The following CRYBG1 variants were observed in gnomAD, a reference collection of about 807,000 sequenced individuals.
CRYBG1 encodes beta/gamma crystallin domain-containing protein 1.
In CRYBG1, 139 loss-of-function variants were observed where a neutral mutation model predicts 189.2. The observed-to-expected ratio is 0.73, with a 90% confidence interval of 0.64 to 0.85. The LOEUF (loss-of-function observed/expected upper bound fraction) is 0.85, where lower values mean the gene tolerates loss of function less well. Ranked by LOEUF, CRYBG1 falls within the 40% of genes least tolerant of loss-of-function variation. CRYBG1 has a pLI of 0.00. For synonymous variants in CRYBG1, 1,023 were observed against 1,017.1 expected (o/e 1.01, Z -0.11); for missense variants, 2,611 against 2,675.8 (o/e 0.98, Z 0.53).
Position 106,570,958 on chromosome 6 carries a change from C to T in CRYBG1, c.*2392C>T, listed in dbSNP as rs1382401370. The T allele has an allele frequency of 6.6e-6, 1 of 152,146 alleles. No homozygotes were observed. Among genetic ancestry groups the T allele is most frequent in the Non-Finnish European group, 1.5e-5 (1 of 68,032 alleles). The allele number at this position is 152,146 out of a possible 1,614,324, so 9.4% of individuals were successfully genotyped here. ...ATGAGTATATTAGGAAGTAAAAACA[C>T]TTACCGTAAATGAATATTCGAAGTG... On this transcript the variant is annotated 3_prime_UTR_variant, in exon 22 of 22. Transcript: ENST00000633556.
intron 2 of CRYBG1, among the ~76,000 whole-genome samples, chr6:106,473,571 G>A (rs1224426953): frequency 1.3e-5 from 2 of 152,110 alleles, no homozygotes; most frequent in Non-Finnish European, 2.9e-5. Context: ...AAAAAGACAG[G>A]AGACAACAGG....
intron 4 of CRYBG1, among the ~76,000 whole-genome samples, chr6:106,521,802 T>A (rs917740178): frequency 1.6e-5 from 2 of 128,732 alleles, no homozygotes; most frequent in Non-Finnish European, 3.1e-5. Context: ...CACTGCAACC[T>A]CCACCTCCTG....
Position 106,519,818 on chromosome 6 carries a change from T to A in CRYBG1, c.2610T>A (p.Pro870=), listed in dbSNP as rs1459420975. ...CACAGTCCCCTGCTGAGTCATCTCC[T>A]GGGCCTTCTCTTTCACTGTCTGCAC... ...SDSQSPAESS[P]GPSLSLSAPA... Residue 870 remains proline (P), a synonymous_variant, in exon 4 of 22, where the codon CCT becomes CCA. Transcript: ENST00000633556. 1.2e-6 allele frequency: 2 copies of A among 1,614,248 alleles called. No homozygotes were observed. Among genetic ancestry groups the A allele is most frequent in the Admixed American group, 1.7e-5 (1 of 60,026 alleles).
chr6:106,561,305 A>G (rs1405296279), intron 19 of CRYBG1, 37 bp from the exon 20 acceptor site: 1 of 1,605,134 alleles, frequency 6.2e-7, no homozygotes, highest in East Asian at 2.2e-5. Flanking sequence ...CCAGCAGCAC[A>G]TCTGGTATAA....
Position 106,519,879 on chromosome 6 carries a change from C to T in CRYBG1, c.2671C>T (p.Gln891Ter), listed in dbSNP as rs944027859. Residue 891 changes from glutamine to a stop codon, truncating the protein, a stop_gained, in exon 4 of 22, where the codon CAA becomes TAA. Coordinates refer to ENST00000633556, the MANE Select transcript of CRYBG1 (RefSeq NM_001371242.2). LOFTEE classifies it high-confidence loss of function. ...PGDVPKDTCV[Q>*]SPISSFPCTD... ...GGATGTTCCCAAAGACACATGTGTT[C>T]AATCACCCATAAGCAGTTTCCCATG... 1.2e-6 allele frequency: 2 copies of T among 1,614,046 alleles called. No homozygotes were observed. Among genetic ancestry groups the T allele is most frequent in the African/African-American group, 1.3e-5 (1 of 74,926 alleles).
rs79834530 is a variant in CRYBG1 at position 106,494,736 on chromosome 6, A to G, written c.313-16694A>G. On this transcript the variant is annotated intron_variant, in intron 2 of 21. Transcript: ENST00000633556. The stretch of plus-strand genomic sequence containing the variant: ...AGGTGTCCATTATTTAAGTATTATG[A>G]GGTGAGCATAATTTTTGCCTTTTCA... 7.1e-3 allele frequency among the ~76,000 whole-genome samples: 1,087 copies of G among 152,348 alleles called. 17 individuals carry two copies. Among genetic ancestry groups the G allele is most frequent in the African/African-American group, 0.025 (1,034 of 41,588 alleles).
intron 2 of CRYBG1, among the ~76,000 whole-genome samples, chr6:106,486,568 T>C (rs117133097): frequency 6.6e-6 from 1 of 152,298 alleles, no homozygotes; most frequent in East Asian, 1.9e-4. Flanking sequence ...CAATCTCTCC[T>C]TTAGAGCTAA....
chr6:106,426,284 C>A (rs558267060), intron 1 of CRYBG1, among the ~76,000 whole-genome samples: 7 of 152,268 alleles, frequency 4.6e-5, no homozygotes, highest in African/African-American at 1.4e-4. Flanking sequence ...CTTCCCAAGT[C>A]ATTATTCTTC....
At position 106,511,706 on chromosome 6, in the gene CRYBG1, C is replaced by G. The variant is rs1448587616; in HGVS notation, c.589C>G (p.Leu197Val). 2 of 1,535,480 alleles carry G rather than the reference C, an allele frequency of 1.3e-6. No homozygotes were observed. Among genetic ancestry groups the G allele is most frequent in the Non-Finnish European group, 1.7e-6 (2 of 1,146,668 alleles). The part of the protein sequence containing the change: ...RENPREAEGE[L>V]PESGGPAAPP... ...GAATCCCCGAGAGGCAGAGGGCGAG[C>G]TCCCCGAGAGCGGTGGCCCCGCAGC... is the stretch of plus-strand genomic sequence containing the variant. The change falls in exon 3 of 22, where the codon CTC becomes GTC. Residue 197 changes from leucine (L) to valine (V), a missense_variant. Physicochemically the swap from Leu to Val is conservative, Grantham distance 32. Around this residue, in one of 3 missense-constraint regions of CRYBG1, gnomAD observed 985 missense variants for 924.4 expected, o/e 1.07. Transcript: ENST00000633556.
intron 21 of CRYBG1, among the ~76,000 whole-genome samples, chr6:106,566,801 T>C (rs1216082661): frequency 6.6e-6 from 1 of 152,180 alleles, no homozygotes; most frequent in East Asian, 1.9e-4. Context: ...TAGCAGACCA[T>C]GATTTCCATT....
Position 106,568,708 on chromosome 6 carries a change from A to G in CRYBG1, c.*142A>G, listed in dbSNP as rs1351517693. 3 of 592,732 alleles carry G rather than the reference A, an allele frequency of 5.1e-6. No homozygotes were observed. The highest frequency in any genetic ancestry group is 2.8e-5 in the East Asian group (1 of 36,182). The allele number at this position is 592,732 out of a possible 1,614,324, so 36.7% of individuals were successfully genotyped here. A position where few individuals can be genotyped will look rare whatever the true frequency, so the allele number is the denominator to read the frequency against. On this transcript the variant is annotated 3_prime_UTR_variant, in exon 22 of 22. Coordinates refer to ENST00000633556, the MANE Select transcript of CRYBG1 (RefSeq NM_001371242.2). ...AAATTCAACCTTAAATCATGCTGCC[A>G]TGACTCAGAGAACTTACTCATCGTT...
intron 13 of CRYBG1, among the ~76,000 whole-genome samples, chr6:106,548,549 G>C (rs1319721729): frequency 6.6e-6 from 1 of 152,056 alleles, no homozygotes; most frequent in East Asian, 1.9e-4. Flanking sequence ...TTGGCATTCA[G>C]CCTCCCACCT....
rs183072731 is a variant in CRYBG1 at position 106,407,085 on chromosome 6, C to T, written c.174-44609C>T. Among the ~76,000 whole-genome samples, 70 of 152,246 alleles carry T rather than the reference C, an allele frequency of 4.6e-4. 1 individual carries two copies. The highest frequency in any genetic ancestry group is 1.6e-3 in the African/African-American group (67 of 41,520). Reference sequence around the variant, plus strand: ...AGTGCCCCCAGTTAAAAGACACAGACTGGCAAATTGAATAAAGAATCAAGA... The same window carrying T: ...AGTGCCCCCAGTTAAAAGACACAGATTGGCAAATTGAATAAAGAATCAAGA... On this transcript the variant is annotated intron_variant, in intron 1 of 21. Transcript: ENST00000633556.
chr6:106,391,868 G>A (rs146096848), intron 1 of CRYBG1, among the ~76,000 whole-genome samples: 3 of 152,090 alleles, frequency 2.0e-5, no homozygotes, highest in Non-Finnish European at 2.9e-5. Flanking sequence ...TGTCATTAGA[G>A]GTGCTCCCAC....
intron 13 of CRYBG1, among the ~76,000 whole-genome samples, chr6:106,546,537 T>C (rs1049372711): frequency 6.6e-6 from 1 of 152,178 alleles, no homozygotes; most frequent in Non-Finnish European, 1.5e-5. Flanking sequence ...TCTTAGTAAA[T>C]AGAGTAAAAA....
At chr6:106,540,867 T>C (rs1171537693) in intron 9 of CRYBG1, among the ~76,000 whole-genome samples, 1 of 152,206 alleles carries the variant, frequency 6.6e-6, no homozygotes, top group Non-Finnish European at 1.5e-5. Context: ...ACTCTTGAAC[T>C]ATTTAATATT....
chr6:106,500,329 C>T (rs975899245), intron 2 of CRYBG1, among the ~76,000 whole-genome samples: 1 of 151,982 alleles, frequency 6.6e-6, no homozygotes, highest in Non-Finnish European at 1.5e-5. Context: ...TTATCTTTCA[C>T]CTTTTTGATC....
At chr6:106,507,883 C>T (rs1395097641) in intron 2 of CRYBG1, among the ~76,000 whole-genome samples, 2 of 152,138 alleles carry the variant, frequency 1.3e-5, no homozygotes, top group African/African-American at 4.8e-5. Flanking sequence ...GACCTGGTCC[C>T]GTGGGAGAAG....
chr6:106,400,610 T>C (rs1431132446), intron 1 of CRYBG1, among the ~76,000 whole-genome samples: 2 of 152,174 alleles, frequency 1.3e-5, no homozygotes, highest in African/African-American at 4.8e-5. Flanking sequence ...ACTCTATAAA[T>C]ATTCAGTAAA....
Sources: gnomAD v4.1 joint callset for allele counts (sites outside exome capture counted in the v4.1 genomes callset) on GRCh38, gnomAD v4.1.1 for gene constraint, gnomAD v4.1.1 regional missense constraint, MANE v1.5 for transcripts, NCBI Gene and HGNC (gene_info 2026-07-23, HGNC 2026-07-21) for gene names.